MBOAT1: variants seen among roughly 807,000 people sequenced by gnomAD.
MBOAT1 encodes the protein membrane-bound glycerophospholipid O-acyltransferase 1.
In MBOAT1, 67 loss-of-function variants were observed where a neutral mutation model predicts 64.4. The observed-to-expected ratio is 1.04, with a 90% CI of 0.85 to 1.27. The LOEUF (loss-of-function observed/expected upper bound fraction) is 1.27, where lower values mean the gene tolerates loss of function less well. Among genes scored for constraint, MBOAT1 ranks in the 50% most tolerant of loss-of-function variants. MBOAT1 has a pLI of 0.00. For missense variants in MBOAT1, 563 were observed against 604.6 expected (o/e 0.93, Z 0.72); for synonymous variants, 229 against 218.9 (o/e 1.05, Z -0.41).
chr6:20,172,599 G>A (rs371887598), intron 1 of MBOAT1, among the ~76,000 whole-genome samples: 181 of 152,082 alleles, frequency 1.2e-3, no homozygotes, highest in African/African-American at 4.1e-3. Context: ...GCCCAAATTC[G>A]TAGTTAGCAA....
chr6:20,119,921 C>T (rs2113642864), intron 8 of MBOAT1, among the ~76,000 whole-genome samples: 1 of 152,238 alleles, frequency 6.6e-6, no homozygotes. Flanking sequence ...TTCCTTCTTC[C>T]ATCTCCAGCC....
intron 4 of MBOAT1, among the ~76,000 whole-genome samples, chr6:20,132,672 G>A (rs1411857170): frequency 1.3e-5 from 2 of 152,098 alleles, no homozygotes; most frequent in African/African-American, 4.8e-5. Context: ...GTTACGCACT[G>A]GTTTCCAAAA....
chr6:20,147,457 T>C (rs1237123895), intron 3 of MBOAT1, among the ~76,000 whole-genome samples: 1 of 152,176 alleles, frequency 6.6e-6, no homozygotes, highest in Non-Finnish European at 1.5e-5. Flanking sequence ...CTGACCAATA[T>C]GGAGAAACCC....
chr6:20,141,571 C>T (rs1761178513), intron 4 of MBOAT1, among the ~76,000 whole-genome samples: 1 of 151,878 alleles, frequency 6.6e-6, no homozygotes, highest in East Asian at 1.9e-4. Flanking sequence ...GATGGGGTCT[C>T]ATTATGTTGT....
At chr6:20,191,545 C>T (rs1762801432) in intron 1 of MBOAT1, among the ~76,000 whole-genome samples, 1 of 152,174 alleles carries the variant, frequency 6.6e-6, no homozygotes, top group Admixed American at 6.5e-5. Context: ...TAACACCCAG[C>T]TTTAAGCCAC....
chr6:20,105,809 C>T (rs546542913), intron 12 of MBOAT1, among the ~76,000 whole-genome samples: 46 of 152,258 alleles, frequency 3.0e-4, no homozygotes, highest in African/African-American at 1.0e-3. Flanking sequence ...CAAATTCTAA[C>T]GTTATTACCC....
rs762420640 is a variant in MBOAT1 at position 20,102,268 on chromosome 6, C to T, written c.*18G>A. The T allele has an allele frequency of 7.3e-5, 118 of 1,609,934 alleles. No homozygotes were observed. The highest frequency in any genetic ancestry group is 1.2e-4 in the Admixed American group (7 of 59,426). ...CGAACGTTCTGCAGTTTTGCTTGTT[C>T]CGCTTCTCTTGGAGGTATCAATCTG... On this transcript the variant is annotated 3_prime_UTR_variant, in exon 13 of 13. Coordinates refer to ENST00000324607, the MANE Select transcript of MBOAT1 (RefSeq NM_001080480.3).
Position 20,118,245 on chromosome 6 carries a change from T to A in MBOAT1, c.1011+192A>T, listed in dbSNP as rs571503962. Among the ~76,000 whole-genome samples, 19 of 141,718 alleles carry A rather than the reference T, an allele frequency of 1.3e-4. 1 individual carries two copies. In the East Asian group the frequency reaches 5.0e-3, roughly 37 times the overall value. The allele number at this position is 141,718 out of a possible 152,430, so 93.0% of individuals were successfully genotyped here. On this transcript the variant is annotated intron_variant, in intron 9 of 12. Transcript: ENST00000324607. ...CCATTAGAACTGTCAAGAAAGTAGA[T>A]ATCTTAAAAAAAAAAAAGACAGAAA...
intron 1 of MBOAT1, among the ~76,000 whole-genome samples, chr6:20,205,767 C>T (rs1763244812): frequency 6.6e-6 from 1 of 152,124 alleles, no homozygotes; most frequent in Non-Finnish European, 1.5e-5. Flanking sequence ...GGCCCCCCCA[C>T]CCACCTGCTA....
chr6:20,202,268 G>A (rs1763143313), intron 1 of MBOAT1, among the ~76,000 whole-genome samples: 1 of 152,186 alleles, frequency 6.6e-6, no homozygotes, highest in Admixed American at 6.5e-5. Context: ...TGAAATAAGA[G>A]TTTAGGACAA....
intron 1 of MBOAT1, among the ~76,000 whole-genome samples, chr6:20,166,319 A>AGG (rs1762014193): frequency 6.6e-6 from 1 of 152,046 alleles, no homozygotes; most frequent in South Asian, 2.1e-4. Context: ...TCATAGAGAG[A>AGG]GGTTTATCTT....
At chr6:20,176,468 A>T (rs138190111) in intron 1 of MBOAT1, among the ~76,000 whole-genome samples, 1 of 152,092 alleles carries the variant, frequency 6.6e-6, no homozygotes, top group Non-Finnish European at 1.5e-5. Flanking sequence ...TCCACTACCC[A>T]CCTTCTTCTA....
chr6:20,113,103 T>G (rs1288633831), intron 10 of MBOAT1, 95 bp from the exon 11 acceptor site: 1 of 1,464,064 alleles, frequency 6.8e-7, no homozygotes, highest in Non-Finnish European at 9.1e-7. Context: ...CAGAAAGCAT[T>G]TGGTTGTTAC....
chr6:20,186,508 A>G (rs1049327486), intron 1 of MBOAT1, among the ~76,000 whole-genome samples: 27 of 152,230 alleles, frequency 1.8e-4, no homozygotes, highest in Non-Finnish European at 3.7e-4. Flanking sequence ...AGAATGGAGA[A>G]GAAACTGTTG....
intron 1 of MBOAT1, among the ~76,000 whole-genome samples, chr6:20,175,253 G>A (rs17565410): frequency 0.025 from 3,867 of 152,128 alleles, 69 homozygotes; most frequent in South Asian, 0.04. Context: ...TTTAAGCTCC[G>A]GTTCTTTTTT....
chr6:20,206,329 A>G (rs1763265206), intron 1 of MBOAT1, among the ~76,000 whole-genome samples: 4 of 151,998 alleles, frequency 2.6e-5, no homozygotes, highest in African/African-American at 4.8e-5. Flanking sequence ...TTGTGCCACC[A>G]CACCTGGCTA....
At chr6:20,154,817 T>G (rs1250904639) in intron 1 of MBOAT1, among the ~76,000 whole-genome samples, 3 of 152,200 alleles carry the variant, frequency 2.0e-5, no homozygotes, top group African/African-American at 7.2e-5. Context: ...CTAAACCCAT[T>G]GTTGTACTCT....
chr6:20,149,739 AT>A (rs1000142428), intron 3 of MBOAT1, among the ~76,000 whole-genome samples: 7 of 152,190 alleles, frequency 4.6e-5, no homozygotes, highest in Admixed American at 1.3e-4. Flanking sequence ...GCAGAAAAAA[AT>A]ATTTTCCCTG....
intron 1 of MBOAT1, among the ~76,000 whole-genome samples, chr6:20,161,100 C>T (rs545733835): frequency 5.3e-5 from 8 of 152,148 alleles, no homozygotes; most frequent in Non-Finnish European, 1.2e-4. Flanking sequence ...ACAGTCACTC[C>T]TCATCGCTTG....
Sources: gnomAD v4.1 joint callset for allele counts (sites outside exome capture counted in the v4.1 genomes callset) on GRCh38, gnomAD v4.1.1 for gene constraint, MANE v1.5 for transcripts, NCBI Gene and HGNC (gene_info 2026-07-23, HGNC 2026-07-21) for gene names.